Variants in NETO1 observed in about 807,000 individuals in gnomAD.
NETO1 encodes the protein neuropilin and tolloid like 1.
In NETO1, 26 loss-of-function variants were observed where a neutral mutation model predicts 61.3. The observed-to-expected ratio is 0.42, with a 90% CI of 0.31 to 0.59. The LOEUF is 0.59. NETO1 is among the 20% of genes least tolerant of loss of function. The probability of loss-of-function intolerance (pLI) is 0.12; values close to 1 mark genes in which losing one functional copy is unlikely to be tolerated. For synonymous variants in NETO1, 225 were observed against 225.8 expected (o/e 1.00, Z 0.03); for missense variants, 531 against 662.8 (o/e 0.80, Z 2.18).
At chr18:72,766,983 G>C (rs981546247) in intron 7 of NETO1, among the ~76,000 whole-genome samples, 15 of 152,278 alleles carry the variant, frequency 9.9e-5, no homozygotes, top group African/African-American at 2.9e-4. Context: ...TTTGGCATCT[G>C]CATGCTGATT....
chr18:72,855,237 A>G (rs1350170863), intron 4 of NETO1, among the ~76,000 whole-genome samples: 5 of 152,242 alleles, frequency 3.3e-5, no homozygotes, highest in African/African-American at 1.2e-4. Context: ...TCTTCAGGGC[A>G]TCATCCACAG....
chr18:72,791,519 CT>C (rs2072116976), intron 6 of NETO1, among the ~76,000 whole-genome samples: 2 of 152,216 alleles, frequency 1.3e-5, no homozygotes, highest in South Asian at 4.1e-4. Flanking sequence ...ATAGAGCCAT[CT>C]TTGTCCAGCT....
At chr18:72,867,203 C>G in intron 1 of NETO1, 61 bp downstream of exon 1, 1 of 1,345,624 alleles carries the variant, frequency 7.4e-7, no homozygotes, top group South Asian at 1.5e-5. Flanking sequence ...CGTTCGGCCC[C>G]GGGAAAGGGG....
chr18:72,796,981 C>T (rs190108459), intron 4 of NETO1, among the ~76,000 whole-genome samples: 77 of 152,220 alleles, frequency 5.1e-4, no homozygotes, highest in Non-Finnish European at 9.7e-4. Flanking sequence ...CATAGCACTG[C>T]TAAAATTGGT....
chr18:72,790,765 A>G (rs2072087425), intron 6 of NETO1, among the ~76,000 whole-genome samples: 1 of 152,108 alleles, frequency 6.6e-6, no homozygotes, highest in African/African-American at 2.4e-5. Context: ...CAGTCCTTCA[A>G]ATGTTTGAAG....
intron 7 of NETO1, among the ~76,000 whole-genome samples, chr18:72,777,537 A>G (rs12968908): frequency 0.31 from 47,433 of 151,664 alleles, 8,338 homozygotes; most frequent in South Asian, 0.47. Flanking sequence ...TCAGGAGACC[A>G]AGACCGTCCT....
chr18:72,817,055 G>T (rs1398720269), intron 4 of NETO1, among the ~76,000 whole-genome samples: 1 of 152,110 alleles, frequency 6.6e-6, no homozygotes, highest in African/African-American at 2.4e-5. Context: ...GCAATTCCTC[G>T]TCTCCCTTTA....
intron 4 of NETO1, among the ~76,000 whole-genome samples, chr18:72,819,788 A>C (rs1320997342): frequency 1.3e-5 from 2 of 152,138 alleles, no homozygotes; most frequent in African/African-American, 4.8e-5. Context: ...GTTCTAAGTA[A>C]AACTTACCAA....
At chr18:72,835,861 T>C (rs1599114262) in intron 4 of NETO1, among the ~76,000 whole-genome samples, 1 of 152,170 alleles carries the variant, frequency 6.6e-6, no homozygotes, top group East Asian at 1.9e-4. Context: ...GGTTACTTCC[T>C]TAGAAATCCC....
At chr18:72,785,533 TA>T (rs1423312780) in intron 6 of NETO1, among the ~76,000 whole-genome samples, 1 of 152,212 alleles carries the variant, frequency 6.6e-6, no homozygotes, top group African/African-American at 2.4e-5. Flanking sequence ...ACAAATCTAA[TA>T]ATCACAGTCT....
intron 6 of NETO1, among the ~76,000 whole-genome samples, chr18:72,793,856 A>C (rs549529668): frequency 6.6e-6 from 1 of 152,234 alleles, no homozygotes; most frequent in African/African-American, 2.4e-5. Context: ...TCCATGTTTC[A>C]GAGAGGTCGA....
chr18:72,850,342 A>G (rs936140322), intron 4 of NETO1, among the ~76,000 whole-genome samples: 1 of 152,234 alleles, frequency 6.6e-6, no homozygotes, highest in Non-Finnish European at 1.5e-5. Context: ...CACTTTAAGA[A>G]TATTAACATG....
chr18:72,800,253 A>T (rs2072461030), intron 4 of NETO1, among the ~76,000 whole-genome samples: 1 of 152,234 alleles, frequency 6.6e-6, no homozygotes, highest in Admixed American at 6.5e-5. Flanking sequence ...TGATATTGCA[A>T]ATGATGGTGA....
chr18:72,763,437 C>G (rs930297505), intron 7 of NETO1, among the ~76,000 whole-genome samples: 20 of 152,126 alleles, frequency 1.3e-4, no homozygotes, highest in African/African-American at 4.6e-4. Context: ...TCATCTTGTT[C>G]TCTTCAGACA....
chr18:72,803,366 T>G (rs947572914), intron 4 of NETO1, among the ~76,000 whole-genome samples: 2 of 152,200 alleles, frequency 1.3e-5, no homozygotes, highest in African/African-American at 4.8e-5. Context: ...ACAGAGCCCT[T>G]TGAAGAGGAA....
At chr18:72,834,274 C>T (rs1271175694) in intron 4 of NETO1, 11 of 808,164 alleles carry the variant, frequency 1.4e-5, no homozygotes, top group African/African-American at 1.9e-5. Flanking sequence ...TTGACTATCC[C>T]TACAATAATA....
At chr18:72,821,808 T>C (rs2073209451) in intron 4 of NETO1, among the ~76,000 whole-genome samples, 1 of 152,112 alleles carries the variant, frequency 6.6e-6, no homozygotes. Flanking sequence ...GGTAATCTTA[T>C]CCTAAGGGCC....
chr18:72,847,788 C>G (rs1323835611), intron 4 of NETO1, among the ~76,000 whole-genome samples: 1 of 152,186 alleles, frequency 6.6e-6, no homozygotes, highest in Non-Finnish European at 1.5e-5. Flanking sequence ...TTATTATGTT[C>G]TCCATCCATC....
chr18:72,849,304 C>A (rs1462624565), intron 4 of NETO1, among the ~76,000 whole-genome samples: 1 of 152,164 alleles, frequency 6.6e-6, no homozygotes, highest in Non-Finnish European at 1.5e-5. Flanking sequence ...AACAGATATA[C>A]CCTTTCCGTC....
Sources: allele counts gnomAD v4.1 joint callset (sites outside exome capture counted in the v4.1 genomes callset), GRCh38; gene constraint gnomAD v4.1.1; transcripts MANE v1.5; gene names NCBI Gene and HGNC (gene_info 2026-07-23, HGNC 2026-07-21).